Variants in CAST observed in about 807,000 individuals in gnomAD.
CAST encodes MIR583 host.
Under a neutral mutation model 119.6 loss-of-function variants are expected in CAST, and 76 were observed. The ratio of observed to expected loss-of-function variants is 0.64; its 90% CI spans 0.53 to 0.77. The LOEUF is 0.77. CAST is among the 30% of genes least tolerant of loss of function. CAST has a pLI of 0.00. For synonymous variants in CAST, 319 were observed against 331.6 expected, an observed-to-expected ratio of 0.96 and a Z score of 0.41; for missense variants, 953 against 946.5, an observed-to-expected ratio of 1.01 and a Z score of -0.09.
At chr5:96,176,924 C>G in the CAST span, among the ~76,000 whole-genome samples, 9 of 152,152 alleles carry the variant, frequency 5.9e-5, no homozygotes, top group African/African-American at 1.9e-4. Flanking sequence ...CTAAATTTCT[C>G]TGTCATAGAA....
chr5:96,340,067 C>A, the CAST span, among the ~76,000 whole-genome samples: 4 of 152,118 alleles, frequency 2.6e-5, no homozygotes, highest in Admixed American at 1.3e-4. Context: ...GGACAGGAAA[C>A]AATGACTGGG....
At chr5:96,219,659 C>T in the CAST span, among the ~76,000 whole-genome samples, 5 of 149,980 alleles carry the variant, frequency 3.3e-5, no homozygotes, top group Non-Finnish European at 5.9e-5. Flanking sequence ...CAACAAAGTG[C>T]GGCCTTGTCT....
chr5:96,574,495 T>C (rs1282955072), intron 1 of CAST, among the ~76,000 whole-genome samples: 1 of 152,216 alleles, frequency 6.6e-6, no homozygotes, highest in Non-Finnish European at 1.5e-5. Context: ...TTGTCTTTCA[T>C]CTTTTTTCAA....
intron 1 of CAST, among the ~76,000 whole-genome samples, chr5:96,533,215 A>G (rs772093188): frequency 6.6e-6 from 1 of 152,168 alleles, no homozygotes; most frequent in Non-Finnish European, 1.5e-5. Context: ...ATATGCAAGG[A>G]CTCAGAAAAA....
At chr5:96,389,530 A>C in the CAST span, among the ~76,000 whole-genome samples, 1 of 152,202 alleles carries the variant, frequency 6.6e-6, no homozygotes, top group Admixed American at 6.5e-5. Flanking sequence ...GATTCTGGGG[A>C]AAAACCAGTT....
At chr5:96,314,416 T>C in the CAST span, among the ~76,000 whole-genome samples, 1 of 152,174 alleles carries the variant, frequency 6.6e-6, no homozygotes, top group African/African-American at 2.4e-5. Flanking sequence ...TTGGGATGAA[T>C]TAGGAACCTC....
At chr5:96,380,129 C>T in the CAST span, among the ~76,000 whole-genome samples, 5 of 152,130 alleles carry the variant, frequency 3.3e-5, no homozygotes, top group East Asian at 1.9e-4. Flanking sequence ...TCTGCAAAGC[C>T]GGCATGATTT....
the CAST span, among the ~76,000 whole-genome samples, chr5:96,349,019 A>G: frequency 8.5e-5 from 13 of 152,148 alleles, no homozygotes; most frequent in East Asian, 9.7e-4. Context: ...GGAGTTTGGG[A>G]AGGACAGGGA....
At chr5:96,108,248 T>C in the CAST span, among the ~76,000 whole-genome samples, 8 of 152,282 alleles carry the variant, frequency 5.3e-5, no homozygotes, top group Non-Finnish European at 7.3e-5. Context: ...TCTGTCCAGC[T>C]TTTTTCCATT....
At chr5:96,709,362 T>A (rs1336679157) in intron 3 of CAST, among the ~76,000 whole-genome samples, 1 of 152,226 alleles carries the variant, frequency 6.6e-6, no homozygotes, top group Non-Finnish European at 1.5e-5. Context: ...AACTGTTATA[T>A]CTGTTTCTGA....
chr5:96,459,812 T>A, the CAST span, among the ~76,000 whole-genome samples: 30 of 152,306 alleles, frequency 2.0e-4, no homozygotes, highest in Admixed American at 3.3e-4. Context: ...CATAGCACAT[T>A]TTCGGATTTT....
chr5:96,681,962 TGAGA>T (rs34761761), intron 2 of CAST, among the ~76,000 whole-genome samples: 1 of 151,718 alleles, frequency 6.6e-6, no homozygotes, highest in Non-Finnish European at 1.5e-5. Flanking sequence ...TGAGATATTT[TGAGA>T]GAGAGAGACC....
At chr5:96,398,209 G>T in the CAST span, among the ~76,000 whole-genome samples, 108 of 152,252 alleles carry the variant, frequency 7.1e-4, no homozygotes, top group South Asian at 6.4e-3. Context: ...TTAATATTCA[G>T]GAGGAAGATC....
intron 11 of CAST, among the ~76,000 whole-genome samples, chr5:96,738,935 CA>C (rs34687945): frequency 0.26 from 22,467 of 87,882 alleles, 1,683 homozygotes; most frequent in East Asian, 0.36. Context: ...GACTCCATCT[CA>C]AAAAAAAAAA....
chr5:96,493,518 C>T, the CAST span, among the ~76,000 whole-genome samples: 3 of 152,294 alleles, frequency 2.0e-5, no homozygotes, highest in African/African-American at 7.2e-5. Context: ...CACTGTAGCT[C>T]AGTCCCTTGG....
chr5:96,343,975 A>G, the CAST span, among the ~76,000 whole-genome samples: 1 of 152,222 alleles, frequency 6.6e-6, no homozygotes, highest in African/African-American at 2.4e-5. Context: ...TAGATAAACC[A>G]ATGTTTAATA....
chr5:96,091,288 T>C, the CAST span, among the ~76,000 whole-genome samples: 2 of 150,312 alleles, frequency 1.3e-5, no homozygotes, highest in Non-Finnish European at 3.0e-5. Flanking sequence ...CTGCAACCTC[T>C]ACCTCCCAGG....
the CAST span, among the ~76,000 whole-genome samples, chr5:96,516,040 C>T: frequency 3.7e-5 from 1 of 27,254 alleles, no homozygotes; most frequent in African/African-American, 1.2e-4. Flanking sequence ...AGTGCTTGAT[C>T]GCCTCTACCC....
chr5:96,321,187 G>A, the CAST span, among the ~76,000 whole-genome samples: 2 of 152,094 alleles, frequency 1.3e-5, no homozygotes, highest in South Asian at 4.2e-4. Context: ...ATTTTTTGTG[G>A]TGGAGACTGT....
Sources: gnomAD v4.1 joint callset for allele counts (sites outside exome capture counted in the v4.1 genomes callset) on GRCh38, gnomAD v4.1.1 for gene constraint, MANE v1.5 for transcripts, NCBI Gene and HGNC (gene_info 2026-07-23, HGNC 2026-07-21) for gene names.